Variants in ZNF320 observed in about 807,000 individuals in gnomAD.
ZNF320 encodes the protein zinc finger gene 320.
In ZNF320, 2 loss-of-function variants were observed where a neutral mutation model predicts 6.8. That is an observed-to-expected ratio of 0.29 (90% CI 0.12 to 0.93). ZNF320 has a LOEUF of 0.93. ZNF320 is among the 40% of genes least tolerant of loss of function. The pLI is 0.55. For missense variants in ZNF320, 472 were observed against 611.0 expected (o/e 0.77, Z 2.40); for synonymous variants, 208 against 203.2 (o/e 1.02, Z -0.20).
In ZNF320 at chr19:52,881,867, A is replaced by G. The variant is rs765080706; in HGVS notation, c.259T>C (p.Ser87Pro). 5.0e-6 allele frequency: 8 copies of G among 1,613,900 alleles called. No homozygotes were observed. The highest frequency in any genetic ancestry group is 6.8e-6 in the Non-Finnish European group (8 of 1,179,854). The change falls in exon 6 of 6, where the codon TCC (serine) becomes CCC (proline). Residue 87 changes from serine (S) to proline (P), a missense_variant. Ser to Pro is a moderately conservative substitution (Grantham distance 74). Transcript: ENST00000682928. ...QASYHIGAFC[S>P]QEIEKDIHDF... ...TGAATGTCTTTCTCAATTTCCTGGG[A>G]GCAAAATGCTCCAATGTGATAACTT...
At chr19:52,894,689 T>A (rs2064418638) in intron 1 of ZNF320, among the ~76,000 whole-genome samples, 1 of 151,830 alleles carries the variant, frequency 6.6e-6, no homozygotes. Flanking sequence ...CTGGTCCACA[T>A]GGTAAAACCC....
In ZNF320 at chr19:52,881,762, T is replaced by C. The variant is rs182927620; in HGVS notation, c.364A>G (p.Ser122Gly). The change falls in exon 6 of 6, where the codon AGT (serine) becomes GGT (glycine). Residue 122 changes from serine (S) to glycine (G), a missense_variant. Around this residue, in one of 2 missense-constraint regions of ZNF320, gnomAD observed 462 missense variants for 559.7 expected, o/e 0.83. Transcript: ENST00000682928. ...PMTEIKKLTS[S>G]TDRYDQRHAG... ...TGCCTTTGATCATATCGGTCTGTAC[T>C]ACTAGTCAACTTTTTTATTTCTGTC... 3.7e-6 allele frequency: 6 copies of C among 1,613,950 alleles called. No individual in the cohort carries two copies. In the East Asian group the frequency reaches 1.1e-4, roughly 30 times the overall value.
At position 52,880,978 on chromosome 19, in the gene ZNF320, C is replaced by G; in HGVS notation, c.1148G>C (p.Arg383Thr). The change falls in exon 6 of 6, where the codon AGA (arginine) becomes ACA (threonine). Residue 383 changes from arginine to threonine, a missense_variant. Physicochemically the swap from Arg to Thr is moderately conservative, Grantham distance 71. This residue lies in a region of ZNF320 where 462 missense variants were observed against 559.7 expected (regional missense o/e 0.83). Transcript: ENST00000682928. ...GCCACATTCATTACATGTGTAAGGT[C>G]TCTCTCCAGTATGAACTCTCTGATG... Reference protein sequence around the residue: ...AEHQRVHTGERPYTCNECGKV... With the variant: ...AEHQRVHTGETPYTCNECGKV... 1 of 1,611,266 alleles carries G rather than the reference C, an allele frequency of 6.2e-7. No homozygotes were observed. Among genetic ancestry groups the G allele is most frequent in the Non-Finnish European group, 8.5e-7 (1 of 1,178,964 alleles).
intron 1 of ZNF320, chr19:52,894,811 G>T (rs907512499): frequency 6.6e-6 from 1 of 152,126 alleles, no homozygotes; most frequent in African/African-American, 2.4e-5. Context: ...GGCAGAGGTT[G>T]CAGTGAGCCA....
intron 5 of ZNF320, among the ~76,000 whole-genome samples, chr19:52,886,973 A>G (rs377512116): frequency 9.7e-5 from 6 of 61,956 alleles, no homozygotes; most frequent in Non-Finnish European, 1.8e-4. Flanking sequence ...AAGAAAAGAA[A>G]GAAAGAAGGA....
Position 52,880,844 on chromosome 19 carries a change from G to C in ZNF320, c.1282C>G (p.Leu428Val), listed in dbSNP as rs1423700527. 6.2e-6 allele frequency: 10 copies of C among 1,613,942 alleles called. No homozygotes were observed. In the African/African-American group the frequency reaches 8.0e-5, roughly 13 times the overall value. ...GTATGAATCCTCCTATGTCTTTCAA[G>C]GTGTGATTTGCGAATGTAAACTTTG... ...CDKVYIRKSH[L>V]ERHRRIHTGE... is the part of the protein sequence containing the mutation. Residue 428 changes from leucine (L) to valine (V), a missense_variant, in exon 6 of 6, where the codon CTT becomes GTT. Transcript: ENST00000682928.
In ZNF320 at chr19:52,889,045, G is replaced by A. The variant is rs764305870; in HGVS notation, c.16-792C>T. 1.6e-4 allele frequency among the ~76,000 whole-genome samples: 24 copies of A among 152,116 alleles called. No homozygotes were observed. In the South Asian group the frequency reaches 1.7e-3, roughly 11 times the overall value. ...CTAAAAATACAAAAATTAGCTGGGC[G>A]TGGTGGCACGCACATGGAGTCCCAG... On this transcript the variant is annotated intron_variant, in intron 4 of 5. Transcript: ENST00000682928.
chr19:52,889,376 C>T (rs112560193), intron 4 of ZNF320, among the ~76,000 whole-genome samples: 4,991 of 151,662 alleles, frequency 0.033, 245 homozygotes, highest in African/African-American at 0.11. Flanking sequence ...GGCTTGAATT[C>T]GGGAGGCAGA....
intron 5 of ZNF320, among the ~76,000 whole-genome samples, chr19:52,865,018 T>TAA (rs2063518509): frequency 1.3e-5 from 2 of 150,178 alleles, no homozygotes; most frequent in Non-Finnish European, 3.0e-5. Context: ...TTCTCAAAAA[T>TAA]AAAAAATAAA....
At chr19:52,866,449 A>C (rs917849610) in intron 5 of ZNF320, among the ~76,000 whole-genome samples, 1 of 151,876 alleles carries the variant, frequency 6.6e-6, no homozygotes, top group African/African-American at 2.4e-5. Context: ...AACGGTGAAA[A>C]ACTGGGAAGG....
exon 6 of ZNF320, chr19:52,862,057 C>T (rs929541678): frequency 2.8e-5 from 10 of 362,400 alleles, no homozygotes; most frequent in African/African-American, 4.3e-5. Flanking sequence ...AAGTTATGAA[C>T]GATGTCTGAA....
At chr19:52,874,000 G>A (rs142531459), downstream of ZNF320, 81 of 465,738 alleles carry the variant, frequency 1.7e-4, no homozygotes, top group African/African-American at 1.6e-3. Flanking sequence ...ACCTGAGGAA[G>A]AGCCATCCCT....
intron 5 of ZNF320, among the ~76,000 whole-genome samples, chr19:52,869,093 T>C (rs970283224): frequency 3.3e-5 from 5 of 152,140 alleles, no homozygotes; most frequent in East Asian, 1.9e-4. Context: ...GAGTGAACTT[T>C]GTGCATGCAC....
At chr19:52,899,380 A>G (rs2064558326), upstream of ZNF320, among the ~76,000 whole-genome samples, 1 of 152,004 alleles carries the variant, frequency 6.6e-6, no homozygotes, top group Admixed American at 6.6e-5. Context: ...TGTAGACAAC[A>G]ATTAGTAAGG....
upstream of ZNF320, among the ~76,000 whole-genome samples, chr19:52,898,418 C>T (rs1161256402): frequency 6.6e-6 from 1 of 152,158 alleles, no homozygotes; most frequent in Non-Finnish European, 1.5e-5. Context: ...CCCGGAGGTC[C>T]AGGCCAGCGT....
intron 5 of ZNF320, among the ~76,000 whole-genome samples, chr19:52,887,440 A>G (rs2064129763): frequency 6.6e-6 from 1 of 152,186 alleles, no homozygotes. Flanking sequence ...AATATTTCAC[A>G]AATTCCTCCA....
chr19:52,885,995 T>A (rs1415330919), intron 5 of ZNF320, among the ~76,000 whole-genome samples: 1 of 152,146 alleles, frequency 6.6e-6, no homozygotes, highest in African/African-American at 2.4e-5. Flanking sequence ...TTTTTTCATA[T>A]TATTAAAAAT....
chr19:52,903,420 G>C, the ZNF320 span, among the ~76,000 whole-genome samples: 2 of 151,952 alleles, frequency 1.3e-5, no homozygotes, highest in Non-Finnish European at 2.9e-5. Flanking sequence ...TAACTACTGT[G>C]GGGGGCGGGG....
At chr19:52,895,942 A>G (rs1230622687) in intron 1 of ZNF320, among the ~76,000 whole-genome samples, 3 of 151,976 alleles carry the variant, frequency 2.0e-5, no homozygotes, top group Admixed American at 6.5e-5. Flanking sequence ...AATTTCATAG[A>G]GAAACTTTTA....
Sources: gnomAD v4.1 joint callset for allele counts (sites outside exome capture counted in the v4.1 genomes callset) on GRCh38, gnomAD v4.1.1 for gene constraint, gnomAD v4.1.1 regional missense constraint, MANE v1.5 for transcripts, NCBI Gene and HGNC (gene_info 2026-07-23, HGNC 2026-07-21) for gene names.